DIAPH1: variants seen among roughly 807,000 people sequenced by gnomAD.
DIAPH1 encodes protein diaphanous homolog 1.
A neutral mutation model predicts 140.7 loss-of-function variants in DIAPH1; 46 were observed. The observed-to-expected ratio is 0.33, with a 90% CI of 0.26 to 0.42. DIAPH1 has a LOEUF of 0.42. Among genes scored for constraint, DIAPH1 ranks in the 10% least tolerant of loss-of-function variants. The probability of loss-of-function intolerance (pLI) is 1.00; values close to 1 mark genes in which losing one functional copy is unlikely to be tolerated. For missense variants in DIAPH1, 1,310 were observed against 1,558.7 expected, an observed-to-expected ratio of 0.84 and a Z score of 2.69; for synonymous variants, 565 against 551.6, an observed-to-expected ratio of 1.02 and a Z score of -0.34.
At chr5:141,525,002 G>A (rs903115273) in intron 26 of DIAPH1, among the ~76,000 whole-genome samples, 6 of 152,066 alleles carry the variant, frequency 3.9e-5, no homozygotes, top group Non-Finnish European at 5.9e-5. Flanking sequence ...CCTGTTGACC[G>A]TGTGCAGCCC....
intron 3 of DIAPH1, among the ~76,000 whole-genome samples, chr5:141,584,645 C>T (rs1031890221): frequency 1.3e-5 from 2 of 152,184 alleles, no homozygotes; most frequent in Non-Finnish European, 2.9e-5. Flanking sequence ...CTAGGGCCTA[C>T]AAACCCATTA....
chr5:141,614,561 A>C (rs1436909168), intron 1 of DIAPH1, among the ~76,000 whole-genome samples: 1 of 152,214 alleles, frequency 6.6e-6, no homozygotes, highest in Non-Finnish European at 1.5e-5. Context: ...TTTTAAAAAA[A>C]TTTACCAACT....
At chr5:141,584,316 T>C (rs1038809167) in intron 3 of DIAPH1, 91 bp from the exon 4 acceptor site, 6 of 740,038 alleles carry the variant, frequency 8.1e-6, no homozygotes, top group African/African-American at 5.2e-5. Context: ...TAGTGAAGAG[T>C]TGAGCATGTA....
chr5:141,521,254 A>G (rs924217716), intron 27 of DIAPH1, among the ~76,000 whole-genome samples: 3 of 152,200 alleles, frequency 2.0e-5, no homozygotes, highest in Non-Finnish European at 4.4e-5. Flanking sequence ...AAGGAAAGGA[A>G]GAGTTGAATT....
intron 1 of DIAPH1, among the ~76,000 whole-genome samples, chr5:141,604,642 G>C (rs1233049115): frequency 1.3e-5 from 2 of 152,216 alleles, no homozygotes; most frequent in Non-Finnish European, 2.9e-5. Context: ...CAGGCACCAA[G>C]TATGAGGACA....
At chr5:141,615,995 AT>A (rs1213470785) in intron 1 of DIAPH1, among the ~76,000 whole-genome samples, 3 of 152,100 alleles carry the variant, frequency 2.0e-5, no homozygotes, top group Non-Finnish European at 4.4e-5. Context: ...TAAAATTTTT[AT>A]TTTCCTTCAT....
intron 13 of DIAPH1, 129 bp downstream of exon 13, chr5:141,576,627 T>C (rs891034225): frequency 1.3e-6 from 1 of 757,692 alleles, no homozygotes; most frequent in African/African-American, 1.7e-5. Flanking sequence ...GGTTATGACC[T>C]AAGAAAGGAC....
At chr5:141,518,606 T>TCA in intron 27 of DIAPH1, 1 of 251,978 alleles carries the variant, frequency 4.0e-6, no homozygotes, top group Admixed American at 4.5e-5. Context: ...CACCGTAGCC[T>TCA]CAACCTCCCA....
At chr5:141,533,614 A>C (rs1349685334) in intron 19 of DIAPH1, among the ~76,000 whole-genome samples, 2 of 152,142 alleles carry the variant, frequency 1.3e-5, no homozygotes, top group Non-Finnish European at 2.9e-5. Context: ...TGTGAGGCTG[A>C]GGTGGGCAGA....
chr5:141,584,279 AT>A, intron 3 of DIAPH1, 54 bp from the exon 4 acceptor site: 1 of 1,021,902 alleles, frequency 9.8e-7, no homozygotes, highest in Non-Finnish European at 1.5e-6. Context: ...TTCTTTACAA[AT>A]TTTTAGTGTT....
At chr5:141,573,193 T>C (rs931482799) in intron 16 of DIAPH1, among the ~76,000 whole-genome samples, 1 of 151,344 alleles carries the variant, frequency 6.6e-6, no homozygotes, top group African/African-American at 2.4e-5. Flanking sequence ...TCCCAGCACT[T>C]TGGGAGGCCG....
chr5:141,588,488 AAAG>A (rs1427678775), intron 1 of DIAPH1, among the ~76,000 whole-genome samples: 2 of 152,082 alleles, frequency 1.3e-5, no homozygotes, highest in East Asian at 1.9e-4. Context: ...AAAAAAAAAA[AAAG>A]AAGATGATGC....
intron 1 of DIAPH1, among the ~76,000 whole-genome samples, chr5:141,605,250 T>A (rs1479850276): frequency 2.0e-5 from 3 of 152,130 alleles, no homozygotes; most frequent in Non-Finnish European, 2.9e-5. Flanking sequence ...AGCTGGAAAA[T>A]TTTTATGACA....
intron 21 of DIAPH1, 72 bp from the exon 22 acceptor site, chr5:141,529,013 C>A: frequency 1.9e-6 from 3 of 1,609,078 alleles, no homozygotes; most frequent in Middle Eastern, 3.4e-4. Flanking sequence ...ACGCTTGAGC[C>A]TCCTATGGGA....
intron 1 of DIAPH1, among the ~76,000 whole-genome samples, chr5:141,601,558 G>A (rs2099900142): frequency 6.6e-6 from 1 of 152,164 alleles, no homozygotes; most frequent in South Asian, 2.1e-4. Flanking sequence ...CCAAAGTGCT[G>A]GGATGACAGG....
chr5:141,540,198 C>A (rs892926680), intron 18 of DIAPH1, among the ~76,000 whole-genome samples: 9 of 151,968 alleles, frequency 5.9e-5, no homozygotes, highest in Non-Finnish European at 1.3e-4. Context: ...CCCACTGCAA[C>A]CTCCGCCTCC....
chr5:141,556,683 T>TA (rs1554205165), intron 18 of DIAPH1, among the ~76,000 whole-genome samples: 1 of 152,026 alleles, frequency 6.6e-6, no homozygotes, highest in Admixed American at 6.5e-5. Flanking sequence ...GAGATCTTCT[T>TA]TTTATTTATT....
intron 18 of DIAPH1, among the ~76,000 whole-genome samples, chr5:141,545,411 G>A (rs1313558831): frequency 6.6e-6 from 1 of 152,196 alleles, no homozygotes; most frequent in African/African-American, 2.4e-5. Flanking sequence ...CAGCACTTTG[G>A]AAGGACAAGT....
chr5:141,538,838 G>T (rs953992447), intron 18 of DIAPH1, among the ~76,000 whole-genome samples: 1 of 152,200 alleles, frequency 6.6e-6, no homozygotes, highest in Non-Finnish European at 1.5e-5. Context: ...AAAGTGCTGG[G>T]ATTATAGACA....
Sources: gnomAD v4.1 joint callset for allele counts (sites outside exome capture counted in the v4.1 genomes callset) on GRCh38, gnomAD v4.1.1 for gene constraint, MANE v1.5 for transcripts, NCBI Gene and HGNC (gene_info 2026-07-23, HGNC 2026-07-21) for gene names.